The following WWOX variants were observed in gnomAD, a reference collection of about 807,000 sequenced individuals.
The protein encoded by WWOX is WW domain-containing oxidoreductase.
Under a neutral mutation model 46.2 loss-of-function variants are expected in WWOX, and 69 were observed. The observed-to-expected ratio is 1.49, with a 90% CI of 1.23 to 1.82. The LOEUF is 1.82. Ranked by LOEUF, WWOX falls within the 40% of genes most tolerant of loss-of-function variation. WWOX has a pLI of 0.00. For missense variants in WWOX, 919 were observed against 542.6 expected (o/e 1.69, Z -6.89); for synonymous variants, 359 against 202.6 (o/e 1.77, Z -6.56).
chr16:78,557,912 C>T (rs1156476929), intron 8 of WWOX, among the ~76,000 whole-genome samples: 1 of 151,870 alleles, frequency 6.6e-6, no homozygotes, highest in Non-Finnish European at 1.5e-5. Flanking sequence ...GGCCAGGCTG[C>T]TCTCGAACTC....
intron 8 of WWOX, among the ~76,000 whole-genome samples, chr16:79,072,294 CA>C (rs1247357604): frequency 6.6e-6 from 1 of 152,190 alleles, no homozygotes; most frequent in East Asian, 1.9e-4. Flanking sequence ...CCCAACCCCC[CA>C]AAAACAGAAA....
At chr16:78,793,023 G>T (rs935304359) in intron 8 of WWOX, among the ~76,000 whole-genome samples, 2 of 152,134 alleles carry the variant, frequency 1.3e-5, no homozygotes, top group Non-Finnish European at 2.9e-5. Flanking sequence ...GAATTTCCTT[G>T]CCCCCGCTGC....
At chr16:79,176,998 A>G (rs2050813192) in intron 8 of WWOX, among the ~76,000 whole-genome samples, 1 of 152,116 alleles carries the variant, frequency 6.6e-6, no homozygotes, top group Non-Finnish European at 1.5e-5. Context: ...GTATAATAAA[A>G]TCTTTTAATT....
chr16:79,199,477 C>A (rs550262891), intron 8 of WWOX, among the ~76,000 whole-genome samples: 1 of 152,172 alleles, frequency 6.6e-6, no homozygotes, highest in Non-Finnish European at 1.5e-5. Context: ...TAGCAGGAGG[C>A]CGCCAGGTGG....
chr16:78,530,672 C>A (rs1260618653), intron 8 of WWOX, among the ~76,000 whole-genome samples: 2 of 152,164 alleles, frequency 1.3e-5, no homozygotes, highest in African/African-American at 2.4e-5. Context: ...GGCCACAGTT[C>A]CAGGCTTGAG....
At chr16:78,518,809 G>A (rs2043290779) in intron 8 of WWOX, among the ~76,000 whole-genome samples, 1 of 152,182 alleles carries the variant, frequency 6.6e-6, no homozygotes, top group Admixed American at 6.5e-5. Context: ...TTAGCTGGGT[G>A]GTAGAGAAAT....
At chr16:78,746,095 G>A (rs1191725392) in intron 8 of WWOX, among the ~76,000 whole-genome samples, 1 of 152,194 alleles carries the variant, frequency 6.6e-6, no homozygotes, top group Non-Finnish European at 1.5e-5. Context: ...CTAAGATGGT[G>A]CAAACCAGCA....
chr16:78,955,746 C>T (rs921815599), intron 8 of WWOX, among the ~76,000 whole-genome samples: 1 of 151,448 alleles, frequency 6.6e-6, no homozygotes, highest in Non-Finnish European at 1.5e-5. Context: ...CTCCTAAACT[C>T]AAGCAGTTCT....
intron 8 of WWOX, among the ~76,000 whole-genome samples, chr16:79,192,617 A>G (rs16949853): frequency 6.6e-6 from 1 of 152,162 alleles, no homozygotes; most frequent in South Asian, 2.1e-4. Context: ...AGCACCCCTA[A>G]AACTGATTTG....
At chr16:78,943,440 A>G (rs1333695666) in intron 8 of WWOX, among the ~76,000 whole-genome samples, 1 of 151,300 alleles carries the variant, frequency 6.6e-6, no homozygotes, top group Non-Finnish European at 1.5e-5. Flanking sequence ...GAGAACTCCT[A>G]GAGGGAGAAA....
intron 7 of WWOX, among the ~76,000 whole-genome samples, chr16:78,429,403 T>G (rs1482367894): frequency 6.6e-6 from 1 of 152,166 alleles, no homozygotes; most frequent in Non-Finnish European, 1.5e-5. Context: ...CTCCCTGACT[T>G]CCACCCAAAA....
At chr16:79,023,639 G>C (rs1356945092) in intron 8 of WWOX, among the ~76,000 whole-genome samples, 1 of 152,106 alleles carries the variant, frequency 6.6e-6, no homozygotes, top group African/African-American at 2.4e-5. Context: ...CAAACATTAC[G>C]CTGGACGTGG....
intron 8 of WWOX, among the ~76,000 whole-genome samples, chr16:78,495,197 G>A (rs1484000694): frequency 7.8e-6 from 1 of 128,972 alleles, no homozygotes; most frequent in Non-Finnish European, 1.6e-5. Flanking sequence ...TTGCAGTGCG[G>A]TGGCATGATC....
chr16:79,138,400 C>G (rs1597408918), intron 8 of WWOX, among the ~76,000 whole-genome samples: 1 of 152,162 alleles, frequency 6.6e-6, no homozygotes, highest in Non-Finnish European at 1.5e-5. Context: ...CCCCATTTGA[C>G]TTAGATTTTC....
At chr16:79,165,387 A>C (rs185660850) in intron 8 of WWOX, among the ~76,000 whole-genome samples, 1 of 152,172 alleles carries the variant, frequency 6.6e-6, no homozygotes, top group Non-Finnish European at 1.5e-5. Context: ...CCAGACATGG[A>C]ATCCTTTCTT....
intron 8 of WWOX, among the ~76,000 whole-genome samples, chr16:78,826,465 G>C (rs141922795): frequency 3.3e-5 from 5 of 152,296 alleles, no homozygotes; most frequent in Admixed American, 3.3e-4. Context: ...TGCATCTTTC[G>C]TTTCTGGTGG....
chr16:78,651,779 C>G (rs931000517), intron 8 of WWOX, among the ~76,000 whole-genome samples: 2 of 152,168 alleles, frequency 1.3e-5, no homozygotes, highest in South Asian at 2.1e-4. Context: ...TGCTTTGGAA[C>G]GAGACACTGT....
intron 8 of WWOX, among the ~76,000 whole-genome samples, chr16:78,871,635 G>C (rs568920777): frequency 6.6e-6 from 1 of 152,146 alleles, no homozygotes; most frequent in Non-Finnish European, 1.5e-5. Context: ...GCTATTACCA[G>C]GTTGCTCAGG....
At chr16:78,225,306 A>G (rs1261522611) in intron 5 of WWOX, among the ~76,000 whole-genome samples, 1 of 152,256 alleles carries the variant, frequency 6.6e-6, no homozygotes, top group Non-Finnish European at 1.5e-5. Context: ...ATATGGTATT[A>G]TAATCTGATG....
Sources: gnomAD v4.1 joint callset for allele counts (sites outside exome capture counted in the v4.1 genomes callset) on GRCh38, gnomAD v4.1.1 for gene constraint, MANE v1.5 for transcripts, NCBI Gene and HGNC (gene_info 2026-07-23, HGNC 2026-07-21) for gene names.